Variants in HPSE2 observed in about 807,000 individuals in gnomAD.
HPSE2 encodes the protein heparanase 2 (inactive).
In HPSE2, 38 loss-of-function variants were observed where a neutral mutation model predicts 60.5. That is an observed-to-expected ratio of 0.63 (90% confidence interval 0.48 to 0.82). HPSE2 has a LOEUF of 0.82. Among genes scored for constraint, HPSE2 ranks in the 40% least tolerant of loss-of-function variants. The pLI is 0.00. For synonymous variants in HPSE2, 295 were observed against 293.2 expected (o/e 1.01, Z -0.06); for missense variants, 713 against 740.4 (o/e 0.96, Z 0.43).
At chr10:99,199,377 TCTCA>T (rs1589811845) in intron 2 of HPSE2, among the ~76,000 whole-genome samples, 1 of 152,132 alleles carries the variant, frequency 6.6e-6, no homozygotes, top group East Asian at 1.9e-4. Context: ...TGAAGTGATA[TCTCA>T]CTGTGGTTTA....
At chr10:99,087,842 C>G (rs1020200159) in intron 3 of HPSE2, among the ~76,000 whole-genome samples, 2 of 152,036 alleles carry the variant, frequency 1.3e-5, no homozygotes, top group Non-Finnish European at 2.9e-5. Flanking sequence ...CAGAAGAGTA[C>G]TTTTATCTGA....
At chr10:99,047,188 CT>C (rs1440068659) in intron 3 of HPSE2, among the ~76,000 whole-genome samples, 1 of 152,150 alleles carries the variant, frequency 6.6e-6, no homozygotes, top group Non-Finnish European at 1.5e-5. Flanking sequence ...ACCATCTGAT[CT>C]TTGACAAGGC....
chr10:98,641,601 T>TA (rs149789116), intron 7 of HPSE2, among the ~76,000 whole-genome samples: 25 of 148,672 alleles, frequency 1.7e-4, no homozygotes, highest in Non-Finnish European at 2.8e-4. Context: ...AAAAATTAAT[T>TA]AAAAAAAAAA....
intron 3 of HPSE2, among the ~76,000 whole-genome samples, chr10:98,960,741 T>TTTTC (rs1209634471): frequency 6.6e-5 from 1 of 15,240 alleles, no homozygotes; most frequent in Non-Finnish European, 1.5e-4. Context: ...TTTTATTTTA[T>TTTTC]TTTTTTTTTT....
At chr10:99,017,046 C>T (rs1957158993) in intron 3 of HPSE2, among the ~76,000 whole-genome samples, 1 of 152,026 alleles carries the variant, frequency 6.6e-6, no homozygotes, top group African/African-American at 2.4e-5. Context: ...ATTGTCCTGG[C>T]CAGAACTTTC....
intron 3 of HPSE2, among the ~76,000 whole-genome samples, chr10:98,762,293 T>G (rs1160102855): frequency 1.1e-4 from 9 of 85,256 alleles, no homozygotes; most frequent in South Asian, 4.9e-4. Flanking sequence ...CTGGCGGGGG[T>G]GGGGGGTGGG....
At chr10:98,890,148 C>T (rs1953292576) in intron 3 of HPSE2, among the ~76,000 whole-genome samples, 1 of 152,154 alleles carries the variant, frequency 6.6e-6, no homozygotes, top group African/African-American at 2.4e-5. Flanking sequence ...CCACTAACAA[C>T]CTGGCCCTTG....
At chr10:99,000,110 G>T (rs1956743347) in intron 3 of HPSE2, among the ~76,000 whole-genome samples, 1 of 152,058 alleles carries the variant, frequency 6.6e-6, no homozygotes, top group African/African-American at 2.4e-5. Context: ...AAAAGGCAGA[G>T]CAGGGGGAAA....
At chr10:98,461,673 G>T in intron 11 of HPSE2, 1 of 899,698 alleles carries the variant, frequency 1.1e-6, no homozygotes, top group South Asian at 1.6e-5. Flanking sequence ...ATCTTTCTAA[G>T]GCATACTCAA....
intron 3 of HPSE2, among the ~76,000 whole-genome samples, chr10:98,799,497 C>A (rs1387371106): frequency 6.6e-6 from 1 of 152,058 alleles, no homozygotes. Flanking sequence ...TAGTTCTGCT[C>A]AGCACATGGA....
chr10:98,651,904 T>C (rs998134612), intron 6 of HPSE2, among the ~76,000 whole-genome samples: 8 of 151,978 alleles, frequency 5.3e-5, no homozygotes, highest in Admixed American at 5.2e-4. Flanking sequence ...CCCGAGTGGC[T>C]GGGATTACAG....
chr10:99,047,573 C>A, intron 3 of HPSE2: 1 of 558,064 alleles, frequency 1.8e-6, no homozygotes, highest in South Asian at 2.5e-5. Context: ...TTGCATATGC[C>A]AAGGTCTAAT....
At chr10:99,017,905 C>T (rs1000525430) in intron 3 of HPSE2, among the ~76,000 whole-genome samples, 1 of 152,190 alleles carries the variant, frequency 6.6e-6, no homozygotes, top group African/African-American at 2.4e-5. Flanking sequence ...GATACTCTGA[C>T]ATGATATGGA....
chr10:98,982,315 TTTAAG>T (rs1395544226), intron 3 of HPSE2, among the ~76,000 whole-genome samples: 1 of 152,112 alleles, frequency 6.6e-6, no homozygotes, highest in African/African-American at 2.4e-5. Context: ...TTCGAAGATA[TTTAAG>T]TTAATTTCAA....
Position 98,938,839 on chromosome 10 carries a change from G to C in HPSE2, c.611-194783C>G, listed in dbSNP as rs1440756240. On this transcript the variant is annotated intron_variant, in intron 3 of 11. Coordinates refer to ENST00000370552, the MANE Select transcript of HPSE2 (RefSeq NM_021828.5). ...AATGTTAAGGGCAGACAGAGAGAAA[G>C]GTCAGGTTACCCACAAAGGGAAGTC... 1.9e-4 allele frequency among the ~76,000 whole-genome samples: 28 copies of C among 143,994 alleles called. 7 individuals carry two copies. The highest frequency in any genetic ancestry group is 7.9e-4 in the African/African-American group (28 of 35,468). The allele number at this position is 143,994 out of a possible 152,430, so 94.5% of individuals were successfully genotyped here.
At chr10:99,252,907 A>G in the HPSE2 span, among the ~76,000 whole-genome samples, 49,303 of 150,478 alleles carry the variant, frequency 0.33, 10,994 homozygotes, top group African/African-American at 0.64. Flanking sequence ...TGAAATACCT[A>G]GAAACATATC....
Position 98,459,726 on chromosome 10 carries a change from T to A in HPSE2, c.1627A>T (p.Asn543Tyr). The A allele has an allele frequency of 6.2e-7, 1 of 1,613,622 alleles. No homozygotes were observed. The highest frequency in any genetic ancestry group is 8.5e-7 in the Non-Finnish European group (1 of 1,179,828). The change falls in exon 12 of 12, where the codon AAT becomes TAT. Residue 543 changes from asparagine to tyrosine, a missense_variant. Physicochemically the swap from Asn to Tyr is moderately radical, Grantham distance 143. Coordinates refer to ENST00000370552, the MANE Select transcript of HPSE2 (RefSeq NM_021828.5). ...TCCACCATCACTAAGGGCTGGCCATTCAGTTGCACTGACCTACAGTGAGGA... is the reference window on the plus strand; with the variant it reads ...TCCACCATCACTAAGGGCTGGCCATACAGTTGCACTGACCTACAGTGAGGA... ...EGLKSKSVQL[N>Y]GQPLVMVDDG...
intron 7 of HPSE2, among the ~76,000 whole-genome samples, chr10:98,631,332 T>C (rs1386895676): frequency 6.6e-6 from 1 of 152,130 alleles, no homozygotes; most frequent in Non-Finnish European, 1.5e-5. Flanking sequence ...GACATTATGA[T>C]CATATGCAAG....
the HPSE2 span, among the ~76,000 whole-genome samples, chr10:99,312,584 C>A: frequency 6.6e-6 from 1 of 152,192 alleles, no homozygotes; most frequent in South Asian, 2.1e-4. Context: ...AGATTCCTTT[C>A]ATAACATTAC....
Sources: gnomAD v4.1 joint callset for allele counts (sites outside exome capture counted in the v4.1 genomes callset) on GRCh38, gnomAD v4.1.1 for gene constraint, MANE v1.5 for transcripts, NCBI Gene and HGNC (gene_info 2026-07-23, HGNC 2026-07-21) for gene names.